RARB: variants seen among roughly 807,000 people sequenced by gnomAD.
RARB encodes the protein retinoic acid receptor beta.
Under a neutral mutation model 51.9 loss-of-function variants are expected in RARB, and 17 were observed. The observed-to-expected ratio is 0.33, with a 90% CI of 0.22 to 0.49. RARB has a LOEUF of 0.49. Among genes scored for constraint, RARB ranks in the 20% least tolerant of loss-of-function variants. The probability of loss-of-function intolerance (pLI) is 0.99; values close to 1 mark genes in which losing one functional copy is unlikely to be tolerated. For missense variants in RARB, 369 were observed against 550.8 expected (o/e 0.67, Z 3.30); for synonymous variants, 215 against 195.4 (o/e 1.10, Z -0.84).
chr3:25,416,649 A>G (rs1707712260), intron 5 of RARB, among the ~76,000 whole-genome samples: 1 of 152,250 alleles, frequency 6.6e-6, no homozygotes, highest in Non-Finnish European at 1.5e-5. Context: ...AAAGCAGCAA[A>G]GACAATATGT....
At chr3:25,008,739 C>T (rs1697329996) in intron 2 of RARB, among the ~76,000 whole-genome samples, 1 of 152,102 alleles carries the variant, frequency 6.6e-6, no homozygotes, top group Admixed American at 6.6e-5. Context: ...CAGAAACCTT[C>T]CCTATCTCCT....
Position 24,842,613 on chromosome 3 carries a change from G to C in RARB, c.-459+13210G>C, listed in dbSNP as rs145036342. ...GTAATAGTCCTCTTGAGAAATCCTGGGTACTTTTTCGAGGTCACAATTTCC... is the reference window on the plus strand; with the variant it reads ...GTAATAGTCCTCTTGAGAAATCCTGCGTACTTTTTCGAGGTCACAATTTCC... On this transcript the variant is annotated intron_variant, in intron 1 of 11. Transcript: ENST00000383772. Among the ~76,000 whole-genome samples the C allele has an allele frequency of 7.1e-4, 108 of 152,182 alleles. No homozygotes were observed. The East Asian group carries it at 0.016, about 22-fold the overall frequency.
intron 2 of RARB, among the ~76,000 whole-genome samples, chr3:25,026,963 C>A (rs1262976597): frequency 6.8e-6 from 1 of 146,774 alleles, no homozygotes; most frequent in East Asian, 2.1e-4. Context: ...TTATTCATAT[C>A]ATTTATTGTA....
chr3:25,428,680 C>T lies in RARB; in HGVS notation c.-52C>T. ...GGGTGGACTTTTCTATGCCATTTGC[C>T]TCCACACCTAGAGGATAAGCACTTT... On this transcript the variant is annotated 5_prime_UTR_variant, in exon 1 of 8. Transcript: ENST00000330688. 1 of 1,557,602 alleles carries T rather than the reference C, an allele frequency of 6.4e-7. No individual in the cohort carries two copies. The highest frequency in any genetic ancestry group is 8.8e-7 in the Non-Finnish European group (1 of 1,141,298).
At chr3:25,067,079 TATAGACTGAC>T (rs1698678240) in intron 3 of RARB, among the ~76,000 whole-genome samples, 2 of 152,158 alleles carry the variant, frequency 1.3e-5, no homozygotes, top group South Asian at 4.1e-4. Context: ...AACTGGCAGA[TATAGACTGAC>T]ATACACCCAC....
At chr3:24,901,475 A>G (rs1274387321) in intron 2 of RARB, among the ~76,000 whole-genome samples, 1 of 152,198 alleles carries the variant, frequency 6.6e-6, no homozygotes, top group Non-Finnish European at 1.5e-5. Context: ...TCCTAGCCTC[A>G]AGTGATCCTC....
chr3:25,173,190 C>T (rs921031935), intron 4 of RARB, among the ~76,000 whole-genome samples: 4 of 152,184 alleles, frequency 2.6e-5, no homozygotes, highest in African/African-American at 9.7e-5. Flanking sequence ...TTCCCAGTCT[C>T]AAGGAATCCT....
chr3:25,274,279 A>G (rs906006086), intron 5 of RARB, among the ~76,000 whole-genome samples: 1 of 152,218 alleles, frequency 6.6e-6, no homozygotes, highest in African/African-American at 2.4e-5. Context: ...GTGTGTATTT[A>G]TACTAACAAC....
chr3:24,935,641 A>G (rs1179866960), intron 2 of RARB, among the ~76,000 whole-genome samples: 1 of 152,208 alleles, frequency 6.6e-6, no homozygotes, highest in Non-Finnish European at 1.5e-5. Flanking sequence ...AGGACGTAGA[A>G]GGCACTGCCA....
chr3:25,558,593 C>G (rs1287313097), intron 3 of RARB, among the ~76,000 whole-genome samples: 2 of 148,652 alleles, frequency 1.3e-5, no homozygotes, highest in Admixed American at 6.7e-5. Flanking sequence ...TCGCTTACGA[C>G]TTCAACAGTC....
At chr3:24,906,302 T>G (rs967983972) in intron 2 of RARB, among the ~76,000 whole-genome samples, 1 of 152,132 alleles carries the variant, frequency 6.6e-6, no homozygotes, top group African/African-American at 2.4e-5. Context: ...TAGAGAAGAA[T>G]GGATGGATCT....
chr3:24,949,163 C>T (rs1042676263), intron 2 of RARB, among the ~76,000 whole-genome samples: 1 of 152,176 alleles, frequency 6.6e-6, no homozygotes, highest in Non-Finnish European at 1.5e-5. Flanking sequence ...TACTCCCCGT[C>T]TTTTAGAACC....
At chr3:25,163,096 G>A (rs905712854) in intron 4 of RARB, among the ~76,000 whole-genome samples, 9 of 152,138 alleles carry the variant, frequency 5.9e-5, no homozygotes, top group African/African-American at 2.2e-4. Flanking sequence ...CTTGAGAGAG[G>A]GAGAAAACCC....
rs574825550 is a variant in RARB at position 25,470,861 on chromosome 3, A to G, written c.306+9520A>G. On this transcript the variant is annotated intron_variant, in intron 2 of 7. Transcript: ENST00000330688. ...CCAAGTCATTAGTTTAATGTCAGCT[A>G]TAAACTCCAGGAGGGCTGGGCAGGT... 1.6e-4 allele frequency among the ~76,000 whole-genome samples: 24 copies of G among 152,268 alleles called. 1 individual carries two copies. The highest frequency in any genetic ancestry group is 4.8e-4 in the African/African-American group (20 of 41,546).
At chr3:24,940,538 T>G (rs994269538) in intron 2 of RARB, among the ~76,000 whole-genome samples, 4 of 152,302 alleles carry the variant, frequency 2.6e-5, no homozygotes, top group South Asian at 4.1e-4. Context: ...AACTCAAATT[T>G]CCTCTCCATC....
At chr3:25,000,732 G>C (rs1697141982) in intron 2 of RARB, among the ~76,000 whole-genome samples, 1 of 152,074 alleles carries the variant, frequency 6.6e-6, no homozygotes, top group Non-Finnish European at 1.5e-5. Flanking sequence ...TTCCCTCTAA[G>C]AGAAGTGGAG....
chr3:25,376,100 A>G (rs571635670), intron 5 of RARB, among the ~76,000 whole-genome samples: 68 of 152,336 alleles, frequency 4.5e-4, no homozygotes, highest in Non-Finnish European at 7.2e-4. Flanking sequence ...ATTTTATTGC[A>G]GGTCTAATGA....
chr3:25,176,584 C>T (rs1700759112), intron 5 of RARB, among the ~76,000 whole-genome samples: 3 of 151,060 alleles, frequency 2.0e-5, no homozygotes, highest in African/African-American at 2.4e-5. Flanking sequence ...TTAGTAGAGA[C>T]GTGGATTCAC....
chr3:25,103,862 CT>C (rs1270630103), intron 3 of RARB, among the ~76,000 whole-genome samples: 2 of 152,138 alleles, frequency 1.3e-5, no homozygotes, highest in Admixed American at 6.5e-5. Flanking sequence ...TGATAATCTC[CT>C]TCTGGTCAAT....
Sources: allele counts gnomAD v4.1 joint callset (sites outside exome capture counted in the v4.1 genomes callset), GRCh38; gene constraint gnomAD v4.1.1; transcripts MANE v1.5; gene names NCBI Gene and HGNC (gene_info 2026-07-23, HGNC 2026-07-21).